BCAT2: variants seen among roughly 807,000 people sequenced by gnomAD.
BCAT2 encodes branched-chain-amino-acid aminotransferase, mitochondrial.
In BCAT2, 44 loss-of-function variants were observed where a neutral mutation model predicts 52.9. The ratio of observed to expected loss-of-function variants is 0.83; its 90% CI spans 0.65 to 1.07. The LOEUF (loss-of-function observed/expected upper bound fraction) is 1.07, where lower values mean the gene tolerates loss of function less well. Among genes scored for constraint, BCAT2 ranks in the 50% least tolerant of loss-of-function variants. BCAT2 has a pLI of 0.00. For missense variants in BCAT2, 478 were observed against 521.8 expected (o/e 0.92, Z 0.82); for synonymous variants, 215 against 217.1 (o/e 0.99, Z 0.08).
chr19:48,805,711 C>A (rs1338589374), intron 3 of BCAT2, among the ~76,000 whole-genome samples: 3 of 138,552 alleles, frequency 2.2e-5, no homozygotes, highest in Admixed American at 7.1e-5. Context: ...CCCACCATCA[C>A]TTCCCCGGCT....
At chr19:48,798,052 G>A (rs888206566) in intron 6 of BCAT2, among the ~76,000 whole-genome samples, 2 of 152,092 alleles carry the variant, frequency 1.3e-5, no homozygotes, top group African/African-American at 4.8e-5. Flanking sequence ...ACAAGAGTGA[G>A]CCACAGCGCC....
At chr19:48,795,912 C>T in intron 10 of BCAT2, 1 of 260,208 alleles carries the variant, frequency 3.8e-6, no homozygotes, top group East Asian at 8.5e-5. Flanking sequence ...GGGCCAAGGT[C>T]CAGAGGCTCA....
chr19:48,810,720 C>G, intron 1 of BCAT2: 1 of 1,011,710 alleles, frequency 9.9e-7, no homozygotes, highest in Non-Finnish European at 1.3e-6. Context: ...ATTACAGGGT[C>G]CTCCACCATG....
chr19:48,799,538 T>C lies in BCAT2; in HGVS notation c.695+137A>G. On this transcript the variant is annotated intron_variant, in intron 6 of 10. Transcript: ENST00000316273. This position sits in a 1 kb window ranked among gnomAD's most constrained non-coding sequence, Gnocchi z 5.5. ...GTTTTCAGGGACCAGGGAGGTCACTTAGCACTGAGCCCTGCACGGTGCTGA... is the reference window on the plus strand; with the variant it reads ...GTTTTCAGGGACCAGGGAGGTCACTCAGCACTGAGCCCTGCACGGTGCTGA... 3 of 1,127,392 alleles carry C rather than the reference T, an allele frequency of 2.7e-6. No individual in the cohort carries two copies. Among genetic ancestry groups the C allele is most frequent in the Non-Finnish European group, 3.6e-6 (3 of 835,416 alleles). 69.8% of individuals were successfully genotyped at this position (1,127,392 alleles called of 1,614,324 possible).
chr19:48,800,415 G>A, intron 3 of BCAT2, 118 bp from the exon 4 acceptor site: 1 of 858,840 alleles, frequency 1.2e-6, no homozygotes, highest in South Asian at 1.6e-5. Context: ...GAGGCCAAGA[G>A]GAGAGCACCG....
chr19:48,807,777 G>C lies in BCAT2; in HGVS notation c.25-703C>G, dbSNP rs2034824708. The C allele has an allele frequency of 1.0e-6, 1 of 985,844 alleles. No homozygotes were observed. The highest frequency in any genetic ancestry group is 1.2e-6 in the Non-Finnish European group (1 of 830,054). 61.1% of individuals were successfully genotyped at this position (985,844 alleles called of 1,614,324 possible). A position where few individuals can be genotyped will look rare whatever the true frequency, so the allele number is the denominator to read the frequency against. The stretch of plus-strand genomic sequence containing the variant: ...TTACCTGAAATACAAACCCATTTTG[G>C]CAGTGACTCCAATTCCCTTCAGCCC... On this transcript the variant is annotated intron_variant, in intron 1 of 10. Transcript: ENST00000316273. This position sits in a 1 kb window ranked among gnomAD's most constrained non-coding sequence, Gnocchi z 4.6.
At chr19:48,803,091 A>C (rs2034691527) in intron 3 of BCAT2, among the ~76,000 whole-genome samples, 1 of 152,192 alleles carries the variant, frequency 6.6e-6, no homozygotes, top group African/African-American at 2.4e-5. Flanking sequence ...GCCACTCGGG[A>C]GGCAGAGGCA....
Position 48,799,986 on chromosome 19 carries a change from T to C in BCAT2, c.526A>G (p.Asn176Asp). The C allele has an allele frequency of 6.2e-7, 1 of 1,613,256 alleles. No homozygotes were observed. Among genetic ancestry groups the C allele is most frequent in the Non-Finnish European group, 8.5e-7 (1 of 1,179,470 alleles). Residue 176 changes from asparagine to aspartate, a missense_variant, in exon 5 of 11, where the codon AAC becomes GAC. Coordinates refer to ENST00000316273, the MANE Select transcript of BCAT2 (RefSeq NM_001190.4). This position sits in a 1 kb window ranked among gnomAD's most constrained non-coding sequence, Gnocchi z 5.5. Reference protein sequence around the residue: ...SLYVRPVLIGNEPSLGVSQPT... With the variant: ...SLYVRPVLIGDEPSLGVSQPT... Reference sequence around the variant, plus strand: ...AGCCCTGGAGTTGGGCCCACCTCGTTCCCAATGAGCACAGGCCGCACATAG... The same window carrying C: ...AGCCCTGGAGTTGGGCCCACCTCGTCCCCAATGAGCACAGGCCGCACATAG...
At chr19:48,803,657 G>T (rs1450463668) in intron 3 of BCAT2, among the ~76,000 whole-genome samples, 1 of 152,152 alleles carries the variant, frequency 6.6e-6, no homozygotes, top group East Asian at 1.9e-4. Flanking sequence ...AAACCAGCCT[G>T]GGTAACATGG....
intron 10 of BCAT2, among the ~76,000 whole-genome samples, 174 bp from the exon 11 acceptor site, chr19:48,795,638 C>A (rs567174258): frequency 2.0e-5 from 3 of 152,198 alleles, no homozygotes; most frequent in African/African-American, 7.2e-5. Context: ...AAGGCTAAGG[C>A]GGCGCAGAGG....
rs543463830 is a variant in BCAT2, at chr19:48,796,163, C to G, written c.1140+265G>C. Reference sequence around the variant, plus strand: ...TTCTCCTACCAGGGCACCCAGGAGCCGCAGAGGATCACAGGAAGGGGTTTC... The same window carrying G: ...TTCTCCTACCAGGGCACCCAGGAGCGGCAGAGGATCACAGGAAGGGGTTTC... On this transcript the variant is annotated intron_variant, in intron 10 of 10. Coordinates refer to ENST00000316273, the MANE Select transcript of BCAT2 (RefSeq NM_001190.4). The G allele has an allele frequency of 5.7e-6, 3 of 530,372 alleles. No individual in the cohort carries two copies. In the Admixed American group the frequency reaches 1.1e-4, roughly 19 times the overall value. 32.9% of individuals were successfully genotyped at this position (530,372 alleles called of 1,614,324 possible).
chr19:48,805,127 G>A, intron 3 of BCAT2, among the ~76,000 whole-genome samples: 1 of 152,178 alleles, frequency 6.6e-6, no homozygotes, highest in Non-Finnish European at 1.5e-5. Context: ...AGTTACTGGA[G>A]CTGTAAGATG....
chr19:48,796,334 TGAAG>T, intron 10 of BCAT2, 90 bp downstream of exon 10: 2 of 1,471,252 alleles, frequency 1.4e-6, no homozygotes, highest in Non-Finnish European at 1.9e-6. Flanking sequence ...CTGGTACTAC[TGAAG>T]GAGGCTGGCT....
At chr19:48,798,552 T>C (rs1052558401) in intron 6 of BCAT2, among the ~76,000 whole-genome samples, 4 of 152,206 alleles carry the variant, frequency 2.6e-5, no homozygotes, top group African/African-American at 9.6e-5. Flanking sequence ...AACAGTTTGC[T>C]GACTTTTGTA....
rs200598637 is a variant in BCAT2 at position 48,810,983 on chromosome 19, C to T, written c.24+1G>A. ...ACCCCGGCGCGGGGCTGCGAACCCA[C>T]CTGCCCCAGAGCGGCTGCGGCCATG... On this transcript the variant is annotated splice_donor_variant, in intron 1 of 10. Transcript: ENST00000316273. LOFTEE classifies it high-confidence loss of function. 8.7e-6 allele frequency: 14 copies of T among 1,608,584 alleles called. No homozygotes were observed. Among genetic ancestry groups the T allele is most frequent in the East Asian group, 4.5e-5 (2 of 44,622 alleles).
chr19:48,800,334 C>T (rs951158883), intron 3 of BCAT2, 37 bp from the exon 4 acceptor site: 19 of 1,577,062 alleles, frequency 1.2e-5, no homozygotes, highest in Non-Finnish European at 1.6e-5. Flanking sequence ...TCAGAGACTT[C>T]TCCAGACAGT....
At chr19:48,808,408 AAAAAAC>A (rs1238824821) in intron 1 of BCAT2, 1 of 355,268 alleles carries the variant, frequency 2.8e-6, no homozygotes, top group Non-Finnish European at 3.9e-6. Flanking sequence ...CAGAAAAAAA[AAAAAAC>A]AAAAACAGAA....
Position 48,796,435 on chromosome 19 carries a change from T to C in BCAT2, c.1133A>G (p.Glu378Gly), listed in dbSNP as rs2034519867. ...LILRFQKELK[E>G]IQYGIRAHEW... ...CAGCTCCCTGCAGCTCACCTGGATC[T>C]CCTTCAGCTCCTTCTGGAAGCGGAG... The change falls in exon 10 of 11, where the codon GAG becomes GGG. Residue 378 changes from glutamate (E) to glycine (G), a missense_variant. By Grantham distance (98) the Glu-to-Gly change is moderately conservative. Transcript: ENST00000316273. 1 of 1,613,988 alleles carries C rather than the reference T, an allele frequency of 6.2e-7. No homozygotes were observed. Among genetic ancestry groups the C allele is most frequent in the Non-Finnish European group, 8.5e-7 (1 of 1,180,026 alleles).
Position 48,800,098 on chromosome 19 carries a change from ACT to A in BCAT2, c.412_413del (p.Ser138PhefsTer112). On this transcript the variant is annotated frameshift_variant and splice_region_variant, in exon 5 of 11. Transcript: ENST00000316273. LOFTEE classifies it high-confidence loss of function. ...ACTCCAGCAACTCCAGCTTGTCGAA[ACT>A]CTGGGTGGGATTCTGAATGAGTCAA... Reference protein sequence around the residue: ...LRSAMRLCLPSFDKLELLECI... With the variant: ...LRSAMRLCLPXFDKLELLECI... The A allele has an allele frequency of 6.2e-7, 1 of 1,613,560 alleles. No individual in the cohort carries two copies. Among genetic ancestry groups the A allele is most frequent in the Non-Finnish European group, 8.5e-7 (1 of 1,179,734 alleles).
Sources: gnomAD v4.1 joint callset for allele counts (sites outside exome capture counted in the v4.1 genomes callset) on GRCh38, gnomAD v4.1.1 for gene constraint, Gnocchi (gnomAD v3.1) non-coding constraint, MANE v1.5 for transcripts, NCBI Gene and HGNC (gene_info 2026-07-23, HGNC 2026-07-21) for gene names.